Variants in DCBLD2 observed in about 807,000 individuals in gnomAD.
The protein encoded by DCBLD2 is discoidin, CUB and LCCL domain containing 2.
DCBLD2 carries 54 observed loss-of-function variants against 86.8 expected under a neutral mutation model. The observed-to-expected ratio is 0.62, with a 90% CI of 0.50 to 0.78. The LOEUF is 0.78. DCBLD2 is among the 30% of genes least tolerant of loss of function. The pLI is 0.00. For synonymous variants in DCBLD2, 354 were observed against 341.3 expected (o/e 1.04, Z -0.41); for missense variants, 908 against 954.2 (o/e 0.95, Z 0.64).
chr3:98,820,547 T>C (rs1376949424), intron 6 of DCBLD2, among the ~76,000 whole-genome samples: 1 of 152,214 alleles, frequency 6.6e-6, no homozygotes, highest in Non-Finnish European at 1.5e-5. Flanking sequence ...GCAAAAGTTC[T>C]CTATGTAATC....
At chr3:98,819,779 T>A (rs1942085953) in intron 7 of DCBLD2, among the ~76,000 whole-genome samples, 1 of 152,200 alleles carries the variant, frequency 6.6e-6, no homozygotes, top group African/African-American at 2.4e-5. Context: ...CCTTCCCAAC[T>A]TCAATCCAGT....
chr3:98,888,827 T>G (rs1206090016), intron 1 of DCBLD2, among the ~76,000 whole-genome samples: 2 of 152,070 alleles, frequency 1.3e-5, no homozygotes, highest in African/African-American at 2.4e-5. Flanking sequence ...TGACCTCTAC[T>G]GCAGTTCAGT....
intron 2 of DCBLD2, among the ~76,000 whole-genome samples, chr3:98,864,913 TGA>T (rs1943116094): frequency 6.6e-6 from 1 of 151,878 alleles, no homozygotes; most frequent in Non-Finnish European, 1.5e-5. Flanking sequence ...AAAACCACAA[TGA>T]GATATCACCT....
At chr3:98,835,764 G>C (rs1022823168) in intron 3 of DCBLD2, among the ~76,000 whole-genome samples, 2 of 151,146 alleles carry the variant, frequency 1.3e-5, no homozygotes, top group African/African-American at 4.9e-5. Flanking sequence ...TGGCCAGGCT[G>C]GTCTCAAGCT....
chr3:98,849,439 C>T, intron 3 of DCBLD2, 22 bp downstream of exon 3: 1 of 1,613,626 alleles, frequency 6.2e-7, no homozygotes, highest in East Asian at 2.2e-5. Context: ...CTGTAGGAAC[C>T]ATTGCAAAAG....
chr3:98,869,346 T>C (rs987292000), intron 2 of DCBLD2, among the ~76,000 whole-genome samples: 7 of 152,238 alleles, frequency 4.6e-5, no homozygotes, highest in African/African-American at 1.7e-4. Flanking sequence ...CGGACATTAG[T>C]CCTTTGTCAG....
rs148306262 is a variant in DCBLD2 at position 98,891,331 on chromosome 3, A to G, written c.206-9564T>C. On this transcript the variant is annotated intron_variant, in intron 1 of 15. Coordinates refer to ENST00000326840, the MANE Select transcript of DCBLD2 (RefSeq NM_080927.4). ...TGCAGGAAGAGGAAGAAGATTCCAG[A>G]AAGAAAAATCTCAATATTAAACTGA... 4.1e-3 allele frequency among the ~76,000 whole-genome samples: 630 copies of G among 152,170 alleles called. 3 individuals carry two copies. Among genetic ancestry groups the G allele is most frequent in the African/African-American group, 0.014 (596 of 41,538 alleles).
intron 3 of DCBLD2, among the ~76,000 whole-genome samples, chr3:98,834,147 T>C (rs1484670081): frequency 2.8e-4 from 42 of 149,820 alleles, no homozygotes; most frequent in Admixed American, 1.1e-3. Flanking sequence ...GTTTTCTTTT[T>C]TTTTTTTTTT....
intron 1 of DCBLD2, among the ~76,000 whole-genome samples, chr3:98,892,910 A>G (rs1250715703): frequency 1.3e-5 from 2 of 152,172 alleles, no homozygotes; most frequent in African/African-American, 2.4e-5. Context: ...AAAACACTGA[A>G]GCACACCAAC....
intron 3 of DCBLD2, among the ~76,000 whole-genome samples, chr3:98,839,123 CTT>C (rs1298827061): frequency 1.2e-4 from 4 of 34,234 alleles, no homozygotes; most frequent in Non-Finnish European, 1.6e-4. Context: ...CTTTCTTTTT[CTT>C]TCTTTCCTTC....
intron 13 of DCBLD2, among the ~76,000 whole-genome samples, chr3:98,807,406 G>T (rs1941860846): frequency 6.6e-6 from 1 of 152,134 alleles, no homozygotes; most frequent in Non-Finnish European, 1.5e-5. Context: ...TACAGGAAAG[G>T]CCTGAGAGAG....
chr3:98,894,320 A>G (rs995300734), intron 1 of DCBLD2, among the ~76,000 whole-genome samples: 1 of 152,186 alleles, frequency 6.6e-6, no homozygotes, highest in Non-Finnish European at 1.5e-5. Flanking sequence ...GCTCCCCAGC[A>G]ACATCCACTG....
At chr3:98,873,686 TA>T (rs1173627090) in intron 2 of DCBLD2, among the ~76,000 whole-genome samples, 2 of 151,846 alleles carry the variant, frequency 1.3e-5, no homozygotes, top group African/African-American at 4.8e-5. Context: ...AAAAGTGAAT[TA>T]AATGCCTAGC....
At chr3:98,850,887 A>C (rs546407710) in intron 2 of DCBLD2, among the ~76,000 whole-genome samples, 2 of 152,358 alleles carry the variant, frequency 1.3e-5, no homozygotes, top group African/African-American at 4.8e-5. Flanking sequence ...TAATAGCATC[A>C]AAAAAGTTAA....
At chr3:98,810,397 A>G (rs1487258932) in intron 12 of DCBLD2, among the ~76,000 whole-genome samples, 2 of 152,236 alleles carry the variant, frequency 1.3e-5, no homozygotes, top group Non-Finnish European at 2.9e-5. Flanking sequence ...AGTTATCTGA[A>G]TCCAGGCAAA....
intron 2 of DCBLD2, among the ~76,000 whole-genome samples, chr3:98,868,145 C>T (rs946232807): frequency 2.0e-5 from 3 of 152,074 alleles, no homozygotes; most frequent in Non-Finnish European, 2.9e-5. Context: ...TATCAAGCAG[C>T]CCCCTGAAGC....
At chr3:98,854,349 C>A (rs962264674) in intron 2 of DCBLD2, among the ~76,000 whole-genome samples, 1 of 152,078 alleles carries the variant, frequency 6.6e-6, no homozygotes, top group African/African-American at 2.4e-5. Context: ...ACAAATTAAC[C>A]CCCTGCTTGG....
At chr3:98,867,023 G>A (rs902641058) in intron 2 of DCBLD2, among the ~76,000 whole-genome samples, 2 of 152,104 alleles carry the variant, frequency 1.3e-5, no homozygotes, top group African/African-American at 4.8e-5. Flanking sequence ...TTGTAGATGT[G>A]TGGTATTATT....
intron 1 of DCBLD2, chr3:98,895,404 G>A (rs1943734726): frequency 6.6e-6 from 1 of 152,190 alleles, no homozygotes; most frequent in South Asian, 2.1e-4. Context: ...CAGGGCATGA[G>A]TTCAAGAAGC....
Sources: allele counts gnomAD v4.1 joint callset (sites outside exome capture counted in the v4.1 genomes callset), GRCh38; gene constraint gnomAD v4.1.1; transcripts MANE v1.5; gene names NCBI Gene and HGNC (gene_info 2026-07-23, HGNC 2026-07-21).